CHD1: variants seen among roughly 807,000 people sequenced by gnomAD.
CHD1 encodes the protein chromodomain helicase DNA binding protein 1.
In CHD1, 36 loss-of-function variants were observed where a neutral mutation model predicts 224.2. The observed-to-expected ratio is 0.16, with a 90% CI of 0.12 to 0.21. The LOEUF (loss-of-function observed/expected upper bound fraction) is 0.21, where lower values mean the gene tolerates loss of function less well. Ranked by LOEUF, CHD1 falls within the 10% of genes least tolerant of loss-of-function variation. The pLI is 1.00. For missense variants in CHD1, 1,378 were observed against 1,994.8 expected (o/e 0.69, Z 5.89); for synonymous variants, 668 against 658.3 (o/e 1.01, Z -0.23).
chr5:98,885,609 G>C lies in CHD1; in HGVS notation c.2537C>G (p.Ala846Gly), dbSNP rs1278550830. 6.2e-7 allele frequency: 1 copy of C among 1,602,774 alleles called. No individual in the cohort carries two copies. The highest frequency in any genetic ancestry group is 8.5e-7 in the Non-Finnish European group (1 of 1,172,586). Residue 846 changes from alanine to glycine, a missense_variant, in exon 18 of 36, where the codon GCT (alanine) becomes GGT (glycine). By Grantham distance (60) the Ala-to-Gly change is moderately conservative. Coordinates refer to ENST00000614616, the MANE Select transcript of CHD1 (RefSeq NM_001270.4). The stretch of plus-strand genomic sequence containing the variant: ...TCCCTCAGCATTAAAATGATCTAGA[G>C]CTTGTTTCCTCAGTTCTCCTTTTAT... ...GSIKGELRKQ[A>G]LDHFNAEGSE...
intron 2 of CHD1, among the ~76,000 whole-genome samples, chr5:98,924,222 G>A (rs1753298123): frequency 6.6e-6 from 1 of 152,084 alleles, no homozygotes; most frequent in Admixed American, 6.6e-5. Context: ...CTGTACTCCA[G>A]CCTGGGTGAC....
At position 98,892,478 on chromosome 5, in the gene CHD1, G is replaced by A. The variant is rs770775169; in HGVS notation, c.2180+47C>T. The stretch of plus-strand genomic sequence containing the variant: ...CCAAAAGCAGGACACAGACATGGAA[G>A]GTTTTCAGAATTAGAAGTTCAGAAC... On this transcript the variant is annotated intron_variant, in intron 15 of 35. Transcript: ENST00000614616. 8.5e-6 allele frequency: 12 copies of A among 1,411,562 alleles called. No individual in the cohort carries two copies. In the East Asian group the frequency reaches 2.1e-4, roughly 24 times the overall value. 87.4% of individuals were successfully genotyped at this position (1,411,562 alleles called of 1,614,324 possible).
chr5:98,907,364 G>C (rs890165947), intron 2 of CHD1, among the ~76,000 whole-genome samples: 1 of 152,074 alleles, frequency 6.6e-6, no homozygotes, highest in African/African-American at 2.4e-5. Context: ...AGAGGGGGGC[G>C]GATCACCTGA....
rs1747877241 is a variant in CHD1 at position 98,854,343 on chromosome 5, T to C, written c.*2037A>G. 1 of 133,668 alleles carries C rather than the reference T, an allele frequency of 7.5e-6. No individual in the cohort carries two copies. The highest frequency in any genetic ancestry group is 1.9e-4 in the East Asian group (1 of 5,150). 8.3% of individuals were successfully genotyped at this position (133,668 alleles called of 1,614,324 possible). A position where few individuals can be genotyped will look rare whatever the true frequency, so the allele number is the denominator to read the frequency against. On this transcript the variant is annotated 3_prime_UTR_variant, in exon 36 of 36. Transcript: ENST00000614616. ...GAAAATGCAACATTGTTCTGTGAAA[T>C]TTGCACAATATAATGCAAATATCTT...
rs975503040 is a variant in CHD1, at chr5:98,889,321, A to G, written c.2181-83T>C. Reference sequence around the variant, plus strand: ...TAAAAGCATTAAAACAAACAAAAAAAGCCAACGATAGTACCAAAGTAAAAC... The same window carrying G: ...TAAAAGCATTAAAACAAACAAAAAAGGCCAACGATAGTACCAAAGTAAAAC... On this transcript the variant is annotated intron_variant, in intron 15 of 35. Coordinates refer to ENST00000614616, the MANE Select transcript of CHD1 (RefSeq NM_001270.4). 9.3e-6 allele frequency: 9 copies of G among 965,296 alleles called. No homozygotes were observed. In the African/African-American group the frequency reaches 1.3e-4, roughly 14 times the overall value. The allele number at this position is 965,296 out of a possible 1,614,324, so 59.8% of individuals were successfully genotyped here.
In CHD1 at chr5:98,856,619, G is replaced by A. The variant is rs374564623; in HGVS notation, c.4894C>T (p.Arg1632Cys). The change falls in exon 36 of 36, where the codon CGT (arginine) becomes TGT (cysteine). Residue 1632 changes from arginine (R) to cysteine (C), a missense_variant. By Grantham distance (180) the Arg-to-Cys change is radical. Transcript: ENST00000614616. ...TGTAACCGATGATCTGAGTGAGAAC[G>A]ATGATCAGAATGAGATCTATCTTTT... is the stretch of plus-strand genomic sequence containing the variant. ...SLKDRSHSDHRSHSDHRLHSD... is the reference protein window; with the variant it reads ...SLKDRSHSDHCSHSDHRLHSD... 2.0e-5 allele frequency: 33 copies of A among 1,613,016 alleles called. No individual in the cohort carries two copies. Among genetic ancestry groups the A allele is most frequent in the Admixed American group, 1.3e-4 (8 of 59,958 alleles).
chr5:98,885,797 TCAGG>T, intron 17 of CHD1, 148 bp from the exon 18 acceptor site: 1 of 580,374 alleles, frequency 1.7e-6, no homozygotes, highest in Non-Finnish European at 3.1e-6. Flanking sequence ...AAAATAATGC[TCAGG>T]CATTCTGTCT....
rs1393663289 is a variant in CHD1 at position 98,863,684 on chromosome 5, A to AT, written c.4249-99dup. 4 of 745,806 alleles carry AT rather than the reference A, an allele frequency of 5.4e-6. No homozygotes were observed. In the East Asian group the frequency reaches 1.2e-4, roughly 22 times the overall value. 46.2% of individuals were successfully genotyped at this position (745,806 alleles called of 1,614,324 possible). On this transcript the variant is annotated intron_variant, in intron 31 of 35. Coordinates refer to ENST00000614616, the MANE Select transcript of CHD1 (RefSeq NM_001270.4). ...ATGATATTTACATGAGTATAATATT[A>AT]TAACACTGTTTGATAGCAAAATAAG... is the stretch of plus-strand genomic sequence containing the variant.
intron 17 of CHD1, among the ~76,000 whole-genome samples, 178 bp downstream of exon 17, chr5:98,887,910 T>C (rs1054845707): frequency 3.3e-5 from 5 of 152,234 alleles, no homozygotes; most frequent in Non-Finnish European, 1.5e-5. Context: ...TGTTGCAATA[T>C]GTAAAGTCAA....
At chr5:98,927,110 GGAT>G (rs1379889085) in intron 1 of CHD1, among the ~76,000 whole-genome samples, 4 of 152,070 alleles carry the variant, frequency 2.6e-5, no homozygotes, top group Non-Finnish European at 4.4e-5. Flanking sequence ...ACGGATAGTG[GGAT>G]GATAACATTT....
At chr5:98,892,397 C>G (rs1580446159) in intron 15 of CHD1, 128 bp downstream of exon 15, 3 of 582,354 alleles carry the variant, frequency 5.2e-6, no homozygotes, top group Non-Finnish European at 8.6e-6. Context: ...TAAACTTATT[C>G]TGAAACTCGA....
chr5:98,877,113 C>T (rs1220973883), intron 23 of CHD1, among the ~76,000 whole-genome samples: 1 of 152,186 alleles, frequency 6.6e-6, no homozygotes, highest in African/African-American at 2.4e-5. Context: ...GCTGAGGCTG[C>T]AGTGAGCCAT....
chr5:98,867,795 GTTT>G lies in CHD1; in HGVS notation c.4248+697_4248+699del, dbSNP rs71619163. Reference sequence around the variant, plus strand: ...ACCTTGGCCTCCTTTTATCTTCCTTGTTTTTTTTTTTTTTTTTTTTTTTGAGAT... The same window carrying G: ...ACCTTGGCCTCCTTTTATCTTCCTTGTTTTTTTTTTTTTTTTTTTTGAGAT... On this transcript the variant is annotated intron_variant, in intron 31 of 35. Coordinates refer to ENST00000614616, the MANE Select transcript of CHD1 (RefSeq NM_001270.4). 7.8e-4 allele frequency among the ~76,000 whole-genome samples: 76 copies of G among 98,064 alleles called. 1 individual carries two copies. The highest frequency in any genetic ancestry group is 2.5e-4 in the Admixed American group (2 of 7,924). 64.3% of individuals were successfully genotyped at this position (98,064 alleles called of 152,430 possible). A position where few individuals can be genotyped will look rare whatever the true frequency, so the allele number is the denominator to read the frequency against.
intron 31 of CHD1, among the ~76,000 whole-genome samples, chr5:98,864,038 T>C (rs1748671529): frequency 6.6e-6 from 1 of 152,110 alleles, no homozygotes; most frequent in Non-Finnish European, 1.5e-5. Context: ...TTCCAAACCT[T>C]TGTGATAACA....
chr5:98,895,176 A>C (rs1751264805), intron 12 of CHD1, among the ~76,000 whole-genome samples: 1 of 152,232 alleles, frequency 6.6e-6, no homozygotes, highest in Non-Finnish European at 1.5e-5. Context: ...ATAAAACATA[A>C]ATACCACAGC....
At chr5:98,861,699 C>A (rs1330565329) in intron 32 of CHD1, among the ~76,000 whole-genome samples, 3 of 148,530 alleles carry the variant, frequency 2.0e-5, no homozygotes, top group Admixed American at 6.7e-5. Context: ...TTTTAGTAGA[C>A]CACCGTCTTA....
chr5:98,856,814 T>C, intron 35 of CHD1, 89 bp from the exon 36 acceptor site: 1 of 840,698 alleles, frequency 1.2e-6, no homozygotes, highest in Non-Finnish European at 1.8e-6. Flanking sequence ...AAAAATACCT[T>C]AAAACATGTT....
chr5:98,864,633 G>A (rs896470232), intron 31 of CHD1, among the ~76,000 whole-genome samples: 2 of 151,422 alleles, frequency 1.3e-5, no homozygotes, highest in Non-Finnish European at 1.5e-5. Flanking sequence ...AGACTGTAAT[G>A]AGCTGTGATC....
At chr5:98,863,326 C>T in intron 32 of CHD1, 82 bp downstream of exon 32, 1 of 767,584 alleles carries the variant, frequency 1.3e-6, no homozygotes, top group Non-Finnish European at 1.9e-6. Flanking sequence ...ACCTAAACTT[C>T]AGAATCAGGA....
Sources: allele counts gnomAD v4.1 joint callset (sites outside exome capture counted in the v4.1 genomes callset), GRCh38; gene constraint gnomAD v4.1.1; transcripts MANE v1.5; gene names NCBI Gene and HGNC (gene_info 2026-07-23, HGNC 2026-07-21).